SH3KBP1: variants seen among roughly 807,000 people sequenced by gnomAD.
SH3KBP1 encodes SH3 domain containing kinase binding protein 1, also known as SH3 domain-containing kinase-binding protein 1.
A neutral mutation model predicts 50.1 loss-of-function variants in SH3KBP1; 8 were observed. The observed-to-expected ratio is 0.16, with a 90% confidence interval of 0.09 to 0.29. The LOEUF (loss-of-function observed/expected upper bound fraction) is 0.29. Among genes scored for constraint, SH3KBP1 ranks in the 10% least tolerant of loss-of-function variants. The pLI, the probability that SH3KBP1 is intolerant of heterozygous loss-of-function variation, is 1.00. For synonymous variants in SH3KBP1, 227 were observed against 218.6 expected (o/e 1.04, Z -0.34); for missense variants, 377 against 535.2 (o/e 0.70, Z 2.92).
intron 13 of SH3KBP1, among the ~76,000 whole-genome samples, chrX:19,559,819 A>T (rs2065615704): frequency 9.0e-6 from 1 of 111,612 alleles, no homozygotes; most frequent in African/African-American, 3.3e-5. Flanking sequence ...TGATTTGAAA[A>T]TAGAACTTGC....
At position 19,701,693 on chromosome X, in the gene SH3KBP1, C is replaced by T. The variant is rs755623458; in HGVS notation, c.390+5188G>A. 2.7e-5 allele frequency among the ~76,000 whole-genome samples: 3 copies of T among 112,154 alleles called. No individual in the cohort carries two copies. In the South Asian group the frequency reaches 1.1e-3, roughly 42 times the overall value. ...TCTCGTTCGTCAATGCCATCATTTG[C>T]CACTCTGGTAACATCTTGGGTTGAT... is the stretch of plus-strand genomic sequence containing the variant. On this transcript the variant is annotated intron_variant, in intron 4 of 17. Transcript: ENST00000397821.
chrX:19,803,044 CAG>C (rs1569477517), intron 2 of SH3KBP1, among the ~76,000 whole-genome samples: 1 of 110,955 alleles, frequency 9.0e-6, no homozygotes, highest in Non-Finnish European at 1.9e-5. Context: ...GTACAGGACA[CAG>C]GGGGCAGCTT....
intron 2 of SH3KBP1, among the ~76,000 whole-genome samples, chrX:19,780,627 G>A (rs1042586427): frequency 6.5e-5 from 7 of 108,354 alleles, no homozygotes; most frequent in African/African-American, 2.4e-4. Context: ...TGTATAAGGT[G>A]TAAGGAAGGG....
intron 8 of SH3KBP1, among the ~76,000 whole-genome samples, chrX:19,610,294 G>A (rs923947095): frequency 1.8e-5 from 2 of 111,711 alleles, no homozygotes; most frequent in African/African-American, 6.5e-5. Context: ...TTCAAAGAAG[G>A]GATTTATGAA....
chrX:19,733,644 G>GCATCAATATACCA (rs1569448004), intron 3 of SH3KBP1, among the ~76,000 whole-genome samples: 1 of 110,547 alleles, frequency 9.0e-6, no homozygotes, highest in Non-Finnish European at 1.9e-5. Flanking sequence ...ACAAAAGAAA[G>GCATCAATATACCA]CATCAATATA....
chrX:19,619,164 T>C (rs963683096), intron 8 of SH3KBP1, among the ~76,000 whole-genome samples: 2 of 111,185 alleles, frequency 1.8e-5, no homozygotes, highest in African/African-American at 3.3e-5. Context: ...TAATCCCAGC[T>C]ACTCGGGAGG....
chrX:19,634,004 G>A (rs1256560760), intron 7 of SH3KBP1, among the ~76,000 whole-genome samples: 1 of 108,398 alleles, frequency 9.2e-6, no homozygotes, highest in African/African-American at 3.4e-5. Context: ...TGCTGGGGGT[G>A]GGAGAGGCTG....
intron 5 of SH3KBP1, chrX:19,695,041 A>C: frequency 8.3e-7 from 1 of 1,199,523 alleles, no homozygotes. Flanking sequence ...CTGGAGGGAG[A>C]CCTTCAGGCC....
At chrX:19,553,961 T>TATATAATATATATTAAA (rs2065335992) in intron 13 of SH3KBP1, among the ~76,000 whole-genome samples, 5 of 66,633 alleles carry the variant, frequency 7.5e-5, no homozygotes, top group Non-Finnish European at 9.7e-5. Context: ...TAAAATATAA[T>TATATAATATATATTAAA]ATATAATATA....
At chrX:19,592,710 G>A (rs2066787140) in intron 10 of SH3KBP1, among the ~76,000 whole-genome samples, 2 of 111,922 alleles carry the variant, frequency 1.8e-5, no homozygotes, top group Admixed American at 1.9e-4. Context: ...CCAAAGCTGA[G>A]TCATAAAAGT....
At chrX:19,874,997 G>A (rs1445325974) in intron 1 of SH3KBP1, among the ~76,000 whole-genome samples, 1 of 109,984 alleles carries the variant, frequency 9.1e-6, no homozygotes, top group Non-Finnish European at 1.9e-5. Flanking sequence ...AAGGCAGGAG[G>A]GAGGAGATAG....
chrX:19,765,527 T>C lies in SH3KBP1; in HGVS notation c.163-19086A>G, dbSNP rs146277191. ...CTATCATCACTAACTCTGATCTTAC[T>C]GCCTCCCTTTTTAAAAAAAATTTTT... On this transcript the variant is annotated intron_variant, in intron 2 of 17. Coordinates refer to ENST00000397821, the MANE Select transcript of SH3KBP1 (RefSeq NM_031892.3). Among the ~76,000 whole-genome samples, 326 of 111,759 alleles carry C rather than the reference T, an allele frequency of 2.9e-3. 1 individual carries two copies. Among genetic ancestry groups the C allele is most frequent in the African/African-American group, 0.01 (311 of 30,687 alleles).
At chrX:19,668,455 G>A (rs1249350768) in intron 6 of SH3KBP1, among the ~76,000 whole-genome samples, 1 of 103,262 alleles carries the variant, frequency 9.7e-6, no homozygotes, top group Non-Finnish European at 2.0e-5. Context: ...ATAGAAAAAG[G>A]GGTCTCATAG....
chrX:19,692,776 G>A (rs1179656097), intron 5 of SH3KBP1, among the ~76,000 whole-genome samples: 2 of 105,284 alleles, frequency 1.9e-5, no homozygotes, highest in Admixed American at 1.0e-4. Flanking sequence ...TCTGCCTCCC[G>A]GGTTCAAGCA....
intron 14 of SH3KBP1, among the ~76,000 whole-genome samples, chrX:19,547,576 C>A (rs1242259792): frequency 8.9e-6 from 1 of 112,117 alleles, no homozygotes; most frequent in African/African-American, 3.2e-5. Context: ...ACCACCAAGC[C>A]TTCTTATTAA....
At chrX:19,684,088 G>T in intron 5 of SH3KBP1, 60 bp from the exon 6 acceptor site, 1 of 987,183 alleles carries the variant, frequency 1.0e-6, no homozygotes, top group Non-Finnish European at 1.4e-6. Context: ...CCCTGAAGAA[G>T]AACTTCACAA....
chrX:19,842,999 G>A (rs1162771909), intron 1 of SH3KBP1, among the ~76,000 whole-genome samples: 2 of 102,935 alleles, frequency 1.9e-5, no homozygotes, highest in East Asian at 3.0e-4. Context: ...ACAGATACTC[G>A]TGCATCAACT....
intron 2 of SH3KBP1, among the ~76,000 whole-genome samples, chrX:19,759,475 T>C (rs948096853): frequency 4.5e-5 from 5 of 112,243 alleles, no homozygotes; most frequent in Non-Finnish European, 9.4e-5. Flanking sequence ...AAAGCACCTG[T>C]TTACTGGTTG....
intron 2 of SH3KBP1, among the ~76,000 whole-genome samples, chrX:19,769,936 A>G (rs2065737635): frequency 8.9e-6 from 1 of 111,766 alleles, no homozygotes; most frequent in Admixed American, 9.5e-5. Flanking sequence ...ATCGCTTAAA[A>G]TGTCTACACA....
Sources: allele counts gnomAD v4.1 joint callset (sites outside exome capture counted in the v4.1 genomes callset), GRCh38; gene constraint gnomAD v4.1.1; transcripts MANE v1.5; gene names NCBI Gene and HGNC (gene_info 2026-07-23, HGNC 2026-07-21).